The following ATPAF1 variants were observed in gnomAD, a reference collection of about 807,000 sequenced individuals.
ATPAF1 encodes ATP synthase mitochondrial F1 complex assembly factor 1.
In ATPAF1, 26 loss-of-function variants were observed where a neutral mutation model predicts 43.9. That is an observed-to-expected ratio of 0.59 (90% CI 0.43 to 0.82). The LOEUF is 0.82. Among genes scored for constraint, ATPAF1 ranks in the 40% least tolerant of loss-of-function variants. ATPAF1 has a pLI of 0.00. For missense variants in ATPAF1, 366 were observed against 435.0 expected, an observed-to-expected ratio of 0.84 and a Z score of 1.41; for synonymous variants, 157 against 168.0, an observed-to-expected ratio of 0.93 and a Z score of 0.50.
chr1:46,663,288 G>T (rs1460302472), intron 2 of ATPAF1, among the ~76,000 whole-genome samples: 2 of 152,156 alleles, frequency 1.3e-5, no homozygotes, highest in Non-Finnish European at 2.9e-5. Context: ...AATCCTTTGG[G>T]TATATACCCA....
Position 46,668,122 on chromosome 1 carries a change from G to A in ATPAF1, c.201C>T (p.Ala67=), listed in dbSNP as rs1473182459. The change falls in exon 1 of 9, where the codon GCC becomes GCT. Residue 67 remains alanine, a synonymous_variant. Transcript: ENST00000574428. This position sits in a 1 kb window ranked among gnomAD's most constrained non-coding sequence, Gnocchi z 4.4. The stretch of plus-strand genomic sequence containing the variant: ...AAGGGTTGGCCTGGAGCTCGGCCTC[G>A]GCCCCGACCCCGCTGCTGTCGGCGC... 1.4e-6 allele frequency: 2 copies of A among 1,434,760 alleles called. No homozygotes were observed. Among genetic ancestry groups the A allele is most frequent in the African/African-American group, 1.5e-5 (1 of 66,866 alleles). 88.9% of individuals were successfully genotyped at this position (1,434,760 alleles called of 1,614,324 possible).
At position 46,653,789 on chromosome 1, in the gene ATPAF1, C is replaced by G; in HGVS notation, c.540+28G>C. On this transcript the variant is annotated intron_variant, in intron 5 of 8. Transcript: ENST00000574428. The surrounding 1 kb of genome is among the most constrained non-coding windows in gnomAD (Gnocchi z 4.8). ...GAGAACTGACTTTCATGTTGTAACA[C>G]TTTCACTTTGCCCTCCAAACTACTT... 6.2e-7 allele frequency: 1 copy of G among 1,600,876 alleles called. No homozygotes were observed. Among genetic ancestry groups the G allele is most frequent in the Non-Finnish European group, 8.5e-7 (1 of 1,173,270 alleles).
chr1:46,638,621 C>CAAAAAAA (rs55686309), intron 8 of ATPAF1, among the ~76,000 whole-genome samples: 2 of 125,484 alleles, frequency 1.6e-5, no homozygotes. Flanking sequence ...AGACTGTCTC[C>CAAAAAAA]AAAAAAAAAA....
chr1:46,668,236 C>T lies in ATPAF1; in HGVS notation c.87G>A (p.Val29=), dbSNP rs899750362. ...GCCCCAGGCCCAGGGCGCGGCTGCG[C>T]ACCGCGCACAGGCCCCGGTAGAGAC... The change falls in exon 1 of 9, where the codon GTG becomes GTA. Residue 29 remains valine, a synonymous_variant. Coordinates refer to ENST00000574428, the Ensembl canonical transcript of ATPAF1. The surrounding 1 kb of genome is among the most constrained non-coding windows in gnomAD (Gnocchi z 4.4). 1.1e-5 allele frequency: 15 copies of T among 1,371,468 alleles called. No homozygotes were observed. The highest frequency in any genetic ancestry group is 3.0e-5 in the African/African-American group (2 of 66,028). The allele number at this position is 1,371,468 out of a possible 1,614,324, so 85.0% of individuals were successfully genotyped here.
At position 46,645,267 on chromosome 1, in the gene ATPAF1, C is replaced by T. The variant is rs1250812679; in HGVS notation, c.589-11G>A. The stretch of plus-strand genomic sequence containing the variant: ...CAGAGCACATAGAAACTGTGAAAAA[C>T]AGATATACAAGGAGACAGATGAATA... On this transcript the variant is annotated splice_polypyrimidine_tract_variant and intron_variant, in intron 6 of 8. Transcript: ENST00000574428. 6.3e-7 allele frequency: 1 copy of T among 1,587,370 alleles called. No individual in the cohort carries two copies. Among genetic ancestry groups the T allele is most frequent in the Non-Finnish European group, 8.7e-7 (1 of 1,155,966 alleles).
Position 46,668,150 on chromosome 1 carries a change from C to A in ATPAF1, c.173G>T (p.Gly58Val), listed in dbSNP as rs958610117. Reference sequence around the variant, plus strand: ...CCCGACCCCGCTGCTGTCGGCGCCCCCCTCGGGCCGGCCCGAGCCGGGGCG... The same window carrying A: ...CCCGACCCCGCTGCTGTCGGCGCCCACCTCGGGCCGGCCCGAGCCGGGGCG... Residue 58 changes from glycine (G) to valine (V), a missense_variant, in exon 1 of 9, where the codon GGG becomes GTG. This residue lies in a region of ATPAF1 where 186 missense variants were observed against 168.5 expected (regional missense o/e 1.10). Transcript: ENST00000574428. This position sits in a 1 kb window ranked among gnomAD's most constrained non-coding sequence, Gnocchi z 4.4. 6.4e-6 allele frequency: 9 copies of A among 1,404,344 alleles called. No individual in the cohort carries two copies. The highest frequency in any genetic ancestry group is 3.1e-5 in the East Asian group (1 of 32,624). 87.0% of individuals were successfully genotyped at this position (1,404,344 alleles called of 1,614,324 possible). A position where few individuals can be genotyped will look rare whatever the true frequency, so the allele number is the denominator to read the frequency against.
chr1:46,659,036 A>G (rs891471199), intron 2 of ATPAF1, among the ~76,000 whole-genome samples: 5 of 151,944 alleles, frequency 3.3e-5, no homozygotes, highest in Non-Finnish European at 2.9e-5. Flanking sequence ...CTAAAAATAC[A>G]AAAAATTAGC....
At chr1:46,649,981 G>A (rs1460156608) in intron 6 of ATPAF1, among the ~76,000 whole-genome samples, 1 of 152,000 alleles carries the variant, frequency 6.6e-6, no homozygotes, top group African/African-American at 2.4e-5. Context: ...CATGAACATG[G>A]TATATATCAT....
chr1:46,639,487 T>A (rs2148814608), intron 8 of ATPAF1, among the ~76,000 whole-genome samples: 1 of 152,354 alleles, frequency 6.6e-6, no homozygotes, highest in East Asian at 1.9e-4. Flanking sequence ...TTACTGCATT[T>A]CAATGAAATC....
At chr1:46,643,323 A>C (rs1159128670) in intron 7 of ATPAF1, 22 bp from the exon 8 acceptor site, 6 of 1,542,986 alleles carry the variant, frequency 3.9e-6, no homozygotes, top group Non-Finnish European at 4.5e-6. Context: ...AACACTTATC[A>C]AGGCTCAATA....
chr1:46,668,106 C>A lies in ATPAF1; in HGVS notation c.217G>T (p.Ala73Ser), dbSNP rs1315361819. The change falls in exon 1 of 9, where the codon GCC (alanine) becomes TCC (serine). Residue 73 changes from alanine (A) to serine (S), a missense_variant. Ala to Ser is a moderately conservative substitution (Grantham distance 99, BLOSUM62 1). Transcript: ENST00000574428. The surrounding 1 kb of genome is among the most constrained non-coding windows in gnomAD (Gnocchi z 4.4). ...CGGTAGCGGTCGTAGAAAGGGTTGG[C>A]CTGGAGCTCGGCCTCGGCCCCGACC... 1.2e-5 allele frequency: 17 copies of A among 1,449,402 alleles called. No homozygotes were observed. The highest frequency in any genetic ancestry group is 1.4e-5 in the Non-Finnish European group (15 of 1,098,936). 89.8% of individuals were successfully genotyped at this position (1,449,402 alleles called of 1,614,324 possible). A position where few individuals can be genotyped will look rare whatever the true frequency, so the allele number is the denominator to read the frequency against.
intron 4 of ATPAF1, among the ~76,000 whole-genome samples, chr1:46,654,675 T>C (rs1210379430): frequency 2.6e-5 from 4 of 151,956 alleles, no homozygotes; most frequent in Non-Finnish European, 5.9e-5. Flanking sequence ...TTTCTCCTAA[T>C]GATATCCCTC....
At chr1:46,661,967 T>C (rs905823609) in intron 2 of ATPAF1, among the ~76,000 whole-genome samples, 5 of 151,602 alleles carry the variant, frequency 3.3e-5, no homozygotes, top group Non-Finnish European at 7.4e-5. Flanking sequence ...TGATCTCCGC[T>C]CACTGCAGGC....
chr1:46,667,933 G>C (rs942117672), intron 1 of ATPAF1, 124 bp downstream of exon 1: 1 of 770,324 alleles, frequency 1.3e-6, no homozygotes, highest in Non-Finnish European at 1.8e-6. Flanking sequence ...GCGGAGCCTG[G>C]CTACATCATC....
At chr1:46,639,877 C>T (rs1675918842) in intron 8 of ATPAF1, among the ~76,000 whole-genome samples, 1 of 152,176 alleles carries the variant, frequency 6.6e-6, no homozygotes, top group Non-Finnish European at 1.5e-5. Flanking sequence ...GAGAACTGCA[C>T]AGCAGTTTGA....
At chr1:46,648,262 C>T (rs1411803993) in intron 6 of ATPAF1, among the ~76,000 whole-genome samples, 4 of 152,264 alleles carry the variant, frequency 2.6e-5, no homozygotes, top group South Asian at 4.1e-4. Context: ...CAGGCACACA[C>T]CACCACGCCT....
At chr1:46,642,072 C>T (rs1675960908) in intron 8 of ATPAF1, among the ~76,000 whole-genome samples, 1 of 152,188 alleles carries the variant, frequency 6.6e-6, no homozygotes, top group Admixed American at 6.5e-5. Context: ...CCTATTCCTC[C>T]TGCAATCTTG....
Position 46,658,794 on chromosome 1 carries a change from C to A in ATPAF1, c.376-57G>T, listed in dbSNP as rs1028522262. 7 of 1,318,786 alleles carry A rather than the reference C, an allele frequency of 5.3e-6. No individual in the cohort carries two copies. The African/African-American group carries it at 9.1e-5, about 17-fold the overall frequency. 81.7% of individuals were successfully genotyped at this position (1,318,786 alleles called of 1,614,324 possible). Reference sequence around the variant, plus strand: ...ACTTTACTCATAAGAAAAAAGGTAACTAAGCTAGGTGAAGTACCCAATCTC... The same window carrying A: ...ACTTTACTCATAAGAAAAAAGGTAAATAAGCTAGGTGAAGTACCCAATCTC... On this transcript the variant is annotated intron_variant, in intron 2 of 8. Coordinates refer to ENST00000574428, the Ensembl canonical transcript of ATPAF1.
chr1:46,638,659 A>G (rs1258062), intron 8 of ATPAF1, among the ~76,000 whole-genome samples: 149,031 of 151,094 alleles, frequency 0.99, 73,531 homozygotes, highest in East Asian at 1. Flanking sequence ...CCACTAGTAC[A>G]GTGAGTAGGA....
Sources: allele counts gnomAD v4.1 joint callset (sites outside exome capture counted in the v4.1 genomes callset), GRCh38; gene constraint gnomAD v4.1.1; regional missense constraint gnomAD v4.1.1; non-coding constraint Gnocchi (gnomAD v3.1); transcripts MANE v1.5; gene names NCBI Gene and HGNC (gene_info 2026-07-23, HGNC 2026-07-21).